OVOL2: variants seen among roughly 807,000 people sequenced by gnomAD.
OVOL2 encodes ovo like zinc finger 2, also known as transcription factor Ovo-like 2.
In OVOL2, 13 loss-of-function variants were observed where a neutral mutation model predicts 18.1. The observed-to-expected ratio is 0.72, with a 90% confidence interval of 0.47 to 1.14. The LOEUF (loss-of-function observed/expected upper bound fraction) is 1.14, where lower values mean the gene tolerates loss of function less well. Among genes scored for constraint, OVOL2 ranks in the 50% most tolerant of loss-of-function variants. OVOL2 has a pLI of 0.00. For missense variants in OVOL2, 335 were observed against 383.0 expected (o/e 0.87, Z 1.05); for synonymous variants, 166 against 162.7 (o/e 1.02, Z -0.16).
Position 18,041,545 on chromosome 20 carries a change from C to A in OVOL2, c.500G>T (p.Arg167Leu). The change falls in exon 3 of 4, where the codon CGC (arginine) becomes CTC (leucine). Residue 167 changes from arginine (R) to leucine (L), a missense_variant. Coordinates refer to ENST00000278780, the MANE Select transcript of OVOL2 (RefSeq NM_021220.4). The stretch of plus-strand genomic sequence containing the variant: ...CACTCCCCGCTCACCTGTGTGTGTG[C>A]GGACGTGCCTCTTCAGGTCGAAGGT... ...NDTFDLKRHVRTHTGIRPYKC... is the reference protein window; with the variant it reads ...NDTFDLKRHVLTHTGIRPYKC... 1 of 1,612,198 alleles carries A rather than the reference C, an allele frequency of 6.2e-7. No individual in the cohort carries two copies. The highest frequency in any genetic ancestry group is 1.7e-5 in the Admixed American group (1 of 59,960).
chr20:18,036,330 CCTT>C (rs1483008788), intron 3 of OVOL2, among the ~76,000 whole-genome samples: 1 of 152,050 alleles, frequency 6.6e-6, no homozygotes, highest in Admixed American at 6.6e-5. Context: ...GATTTTTACA[CCTT>C]CTTTTTTTGC....
chr20:18,056,599 G>A lies in OVOL2; in HGVS notation c.321+58C>T. ...CGCGGCAGGGAGGGGCGCCGGCCTC[G>A]GGAGCCCGACGCCAGGGCGTGGTGC... On this transcript the variant is annotated intron_variant, in intron 2 of 3. Coordinates refer to ENST00000278780, the MANE Select transcript of OVOL2 (RefSeq NM_021220.4). This position sits in a 1 kb window ranked among gnomAD's most constrained non-coding sequence, Gnocchi z 4.2. 1 of 1,314,590 alleles carries A rather than the reference G, an allele frequency of 7.6e-7. No individual in the cohort carries two copies. The allele number at this position is 1,314,590 out of a possible 1,614,324, so 81.4% of individuals were successfully genotyped here.
chr20:18,057,716 C>A lies in OVOL2; in HGVS notation c.-82G>T. ...GCAACGGCGGCGGCTCCGTCCCCGG[C>A]TCCCGGCGGCCAGAGCCCACCTTCC... is the stretch of plus-strand genomic sequence containing the variant. On this transcript the variant is annotated 5_prime_UTR_variant, in exon 1 of 4. Transcript: ENST00000278780. The surrounding 1 kb of genome is among the most constrained non-coding windows in gnomAD (Gnocchi z 6.3). 2.0e-6 allele frequency: 3 copies of A among 1,465,736 alleles called. No homozygotes were observed. The South Asian group carries it at 4.2e-5, about 20-fold the overall frequency. The allele number at this position is 1,465,736 out of a possible 1,614,324, so 90.8% of individuals were successfully genotyped here. A position where few individuals can be genotyped will look rare whatever the true frequency, so the allele number is the denominator to read the frequency against.
intron 2 of OVOL2, among the ~76,000 whole-genome samples, chr20:18,051,337 C>T (rs1320119623): frequency 1.3e-5 from 2 of 152,014 alleles, no homozygotes; most frequent in East Asian, 3.9e-4. Flanking sequence ...CATTATTCTG[C>T]CTTTCATAAA....
intron 2 of OVOL2, among the ~76,000 whole-genome samples, chr20:18,053,920 A>G (rs1446516810): frequency 1.3e-5 from 2 of 151,794 alleles, no homozygotes; most frequent in African/African-American, 2.4e-5. Flanking sequence ...CATCCTTTCT[A>G]TGCTCCAGCT....
At chr20:18,054,901 AT>A (rs1301179961) in intron 2 of OVOL2, among the ~76,000 whole-genome samples, 1 of 152,178 alleles carries the variant, frequency 6.6e-6, no homozygotes, top group Non-Finnish European at 1.5e-5. Flanking sequence ...TTGGTCAGTC[AT>A]TTGAAAACTG....
intron 3 of OVOL2, among the ~76,000 whole-genome samples, chr20:18,029,595 C>A (rs954634104): frequency 3.9e-5 from 6 of 152,156 alleles, no homozygotes; most frequent in African/African-American, 1.4e-4. Context: ...CATCTCCAAC[C>A]ACCTGCCAGT....
intron 3 of OVOL2, among the ~76,000 whole-genome samples, chr20:18,031,443 G>A (rs2036569699): frequency 6.6e-6 from 1 of 152,162 alleles, no homozygotes; most frequent in Non-Finnish European, 1.5e-5. Context: ...CGGGCATGGT[G>A]GCGAGTGCCT....
Position 18,054,646 on chromosome 20 carries a change from G to A in OVOL2, c.321+2011C>T, listed in dbSNP as rs1348319553. Among the ~76,000 whole-genome samples the A allele has an allele frequency of 2.0e-5, 3 of 151,484 alleles. No homozygotes were observed. In the East Asian group the frequency reaches 5.8e-4, roughly 29 times the overall value. On this transcript the variant is annotated intron_variant, in intron 2 of 3. Transcript: ENST00000278780. ...AATCCCAGCTGCTCGGAAGGCTGAG[G>A]CAGGAGAATCACTTGAACCCGGGAG...
At chr20:18,041,903 CTTTTT>C (rs555102720) in intron 2 of OVOL2, among the ~76,000 whole-genome samples, 180 bp from the exon 3 acceptor site, 3 of 128,090 alleles carry the variant, frequency 2.3e-5, no homozygotes, top group African/African-American at 8.7e-5. Context: ...TCCTCCCACC[CTTTTT>C]TTTTTTTTTT....
At chr20:18,030,633 A>G (rs995080330) in intron 3 of OVOL2, among the ~76,000 whole-genome samples, 1 of 152,172 alleles carries the variant, frequency 6.6e-6, no homozygotes, top group African/African-American at 2.4e-5. Context: ...AAAGCCCTGC[A>G]TCATGCAAAC....
At chr20:18,026,705 C>T (rs76647292) in intron 3 of OVOL2, among the ~76,000 whole-genome samples, 15,898 of 152,114 alleles carry the variant, frequency 0.1, 922 homozygotes, top group African/African-American at 0.12. Context: ...TAACAAACGT[C>T]GCTGGATATT....
Position 18,057,009 on chromosome 20 carries a change from G to A in OVOL2, c.101-132C>T, listed in dbSNP as rs1600455996. ...GGCACCTCGCCAAGTGGGCAACGTC[G>A]CGGGGGAGGCCAGTAAGCCCCGAAT... is the stretch of plus-strand genomic sequence containing the variant. On this transcript the variant is annotated intron_variant, in intron 1 of 3. Coordinates refer to ENST00000278780, the MANE Select transcript of OVOL2 (RefSeq NM_021220.4). This position sits in a 1 kb window ranked among gnomAD's most constrained non-coding sequence, Gnocchi z 6.3. The A allele has an allele frequency of 9.5e-7, 1 of 1,049,324 alleles. No homozygotes were observed. The highest frequency in any genetic ancestry group is 1.3e-6 in the Non-Finnish European group (1 of 783,140). 65.0% of individuals were successfully genotyped at this position (1,049,324 alleles called of 1,614,324 possible).
At chr20:18,043,511 A>AT (rs2036695500) in intron 2 of OVOL2, among the ~76,000 whole-genome samples, 1 of 152,186 alleles carries the variant, frequency 6.6e-6, no homozygotes, top group East Asian at 1.9e-4. Context: ...GGAGCCAGAT[A>AT]TGAATAAAGC....
chr20:18,030,814 T>C (rs1056310918), intron 3 of OVOL2, among the ~76,000 whole-genome samples: 25 of 152,192 alleles, frequency 1.6e-4, no homozygotes, highest in African/African-American at 6.0e-4. Context: ...GCCCCAGCAC[T>C]TCTGCTTCCC....
intron 2 of OVOL2, among the ~76,000 whole-genome samples, chr20:18,054,766 C>CAAAAAAAAAAAAAAAAAAAAAAA (rs745367889): frequency 3.2e-5 from 2 of 63,478 alleles, no homozygotes; most frequent in African/African-American, 1.4e-4. Flanking sequence ...AACTCCATCT[C>CAAAAAAAAAAAAAAAAAAAAAAA]AAAAAAAAAA....
chr20:18,056,445 C>T lies in OVOL2; in HGVS notation c.321+212G>A, dbSNP rs899374474. On this transcript the variant is annotated intron_variant, in intron 2 of 3. Transcript: ENST00000278780. The surrounding 1 kb of genome is among the most constrained non-coding windows in gnomAD (Gnocchi z 4.2). ...GACGGAGCCCACTCCGGGAACCGGCCGCCCCTGCGCAGCAGCTACCCTGCG... is the reference window on the plus strand; with the variant it reads ...GACGGAGCCCACTCCGGGAACCGGCTGCCCCTGCGCAGCAGCTACCCTGCG... Among the ~76,000 whole-genome samples the T allele has an allele frequency of 1.3e-5, 2 of 151,990 alleles. No homozygotes were observed. The highest frequency in any genetic ancestry group is 1.3e-4 in the Admixed American group (2 of 15,252).
intron 3 of OVOL2, among the ~76,000 whole-genome samples, chr20:18,033,103 C>T (rs1459484685): frequency 1.3e-5 from 2 of 152,270 alleles, no homozygotes; most frequent in African/African-American, 4.8e-5. Flanking sequence ...CCACTCCAAA[C>T]ATCTCCCAAT....
intron 3 of OVOL2, among the ~76,000 whole-genome samples, chr20:18,029,663 T>C (rs545940335): frequency 1.3e-5 from 2 of 152,234 alleles, no homozygotes; most frequent in Admixed American, 6.5e-5. Context: ...GTAATGACAA[T>C]GAATCTCCCA....
Sources: allele counts gnomAD v4.1 joint callset (sites outside exome capture counted in the v4.1 genomes callset), GRCh38; gene constraint gnomAD v4.1.1; non-coding constraint Gnocchi (gnomAD v3.1); transcripts MANE v1.5; gene names NCBI Gene and HGNC (gene_info 2026-07-23, HGNC 2026-07-21).